Variants in CFAP251 observed in about 807,000 individuals in gnomAD.
CFAP251 encodes cilia and flagella associated protein 251.
A neutral mutation model predicts 126.7 loss-of-function variants in CFAP251; 93 were observed. That is an observed-to-expected ratio of 0.73 (90% CI 0.62 to 0.87). CFAP251 has a LOEUF of 0.87. Ranked by LOEUF, CFAP251 falls within the 40% of genes least tolerant of loss-of-function variation. The pLI, the probability that CFAP251 is intolerant of heterozygous loss-of-function variation, is 0.00. For synonymous variants in CFAP251, 503 were observed against 506.9 expected (o/e 0.99, Z 0.10); for missense variants, 1,287 against 1,389.2 (o/e 0.93, Z 1.17).
Position 121,992,412 on chromosome 12 carries a change from G to A in CFAP251, c.3007-7304G>A, listed in dbSNP as rs924506305. 3.0e-6 allele frequency: 3 copies of A among 985,386 alleles called. No homozygotes were observed. In the East Asian group the frequency reaches 3.4e-4, roughly 112 times the overall value. The allele number at this position is 985,386 out of a possible 1,614,324, so 61.0% of individuals were successfully genotyped here. A position where few individuals can be genotyped will look rare whatever the true frequency, so the allele number is the denominator to read the frequency against. Reference sequence around the variant, plus strand: ...GAGTAAGAGGTGAATCACATGCTGAGTGGTTTGTGCTGTGAATGTTTGCTG... The same window carrying A: ...GAGTAAGAGGTGAATCACATGCTGAATGGTTTGTGCTGTGAATGTTTGCTG... On this transcript the variant is annotated intron_variant, in intron 19 of 21. Coordinates refer to ENST00000288912, the MANE Select transcript of CFAP251 (RefSeq NM_144668.6).
At chr12:121,988,788 T>G (rs1447148846) in intron 19 of CFAP251, among the ~76,000 whole-genome samples, 2 of 149,610 alleles carry the variant, frequency 1.3e-5, no homozygotes, top group East Asian at 2.0e-4. Context: ...CTGGCTGGAG[T>G]GCAATGGCGC....
intron 9 of CFAP251, chr12:121,953,118 C>A (rs1881591345): frequency 6.6e-6 from 1 of 152,186 alleles, no homozygotes; most frequent in African/African-American, 2.4e-5. Flanking sequence ...TTGAACAAAA[C>A]TCATCTAACC....
chr12:121,958,153 T>G, intron 11 of CFAP251, 119 bp from the exon 12 acceptor site: 1 of 1,436,266 alleles, frequency 7.0e-7, no homozygotes, highest in Non-Finnish European at 9.4e-7. Flanking sequence ...AATGTTGGGT[T>G]AATAATGTCA....
At position 121,943,078 on chromosome 12, in the gene CFAP251, C is replaced by T; in HGVS notation, c.1191+103C>T. ...CCTGTAATCCCAGAACTTTGGGAGG[C>T]TGAGGTAGGTTATCACTTGAGGTCA... On this transcript the variant is annotated intron_variant, in intron 7 of 21. Coordinates refer to ENST00000288912, the MANE Select transcript of CFAP251 (RefSeq NM_144668.6). The T allele has an allele frequency of 2.5e-6, 3 of 1,223,350 alleles. No individual in the cohort carries two copies. The East Asian group carries it at 7.2e-5, about 29-fold the overall frequency. The allele number at this position is 1,223,350 out of a possible 1,614,324, so 75.8% of individuals were successfully genotyped here. A position where few individuals can be genotyped will look rare whatever the true frequency, so the allele number is the denominator to read the frequency against.
intron 19 of CFAP251, among the ~76,000 whole-genome samples, chr12:121,993,851 G>T (rs1326944315): frequency 1.6e-5 from 2 of 125,366 alleles, no homozygotes; most frequent in African/African-American, 6.1e-5. Context: ...AGGTGGGGGG[G>T]GTCAGCCCCC....
chr12:121,991,096 C>T lies in CFAP251; in HGVS notation c.3007-8620C>T, dbSNP rs1882865790. ...TAGGGCACTAAATGATTATTCTAAGCTTCTTGTGAGTTTCAAGAGAATTCT... is the reference window on the plus strand; with the variant it reads ...TAGGGCACTAAATGATTATTCTAAGTTTCTTGTGAGTTTCAAGAGAATTCT... On this transcript the variant is annotated intron_variant, in intron 19 of 21. Coordinates refer to ENST00000288912, the MANE Select transcript of CFAP251 (RefSeq NM_144668.6). 3.3e-5 allele frequency among the ~76,000 whole-genome samples: 5 copies of T among 152,220 alleles called. No individual in the cohort carries two copies. In the South Asian group the frequency reaches 1.0e-3, roughly 32 times the overall value.
rs188480273 is a variant in CFAP251 at position 121,989,919 on chromosome 12, C to A, written c.3007-9797C>A. Among the ~76,000 whole-genome samples, 22 of 152,242 alleles carry A rather than the reference C, an allele frequency of 1.4e-4. 1 individual carries two copies. In the East Asian group the frequency reaches 3.5e-3, roughly 24 times the overall value. ...GACATCAATGGCTTCCTGAGGCTGACAGCAGGGATCACAGACCCAAAGGCC... is the reference window on the plus strand; with the variant it reads ...GACATCAATGGCTTCCTGAGGCTGAAAGCAGGGATCACAGACCCAAAGGCC... On this transcript the variant is annotated intron_variant, in intron 19 of 21. Transcript: ENST00000288912. This position sits in a 1 kb window ranked among gnomAD's most constrained non-coding sequence, Gnocchi z 4.2.
At chr12:121,969,157 A>AC (rs1385419647) in intron 17 of CFAP251, 9 of 985,120 alleles carry the variant, frequency 9.1e-6, no homozygotes, top group Non-Finnish European at 1.1e-5. Context: ...AGCACAGTGT[A>AC]CCCCCTGCCA....
intron 3 of CFAP251, among the ~76,000 whole-genome samples, chr12:121,927,892 A>G (rs1299964615): frequency 6.6e-6 from 1 of 152,230 alleles, no homozygotes; most frequent in African/African-American, 2.4e-5. Flanking sequence ...TGGTTTTGAC[A>G]GCAAAGTTTT....
At chr12:121,993,734 C>A (rs1882940167) in intron 19 of CFAP251, among the ~76,000 whole-genome samples, 1 of 150,318 alleles carries the variant, frequency 6.7e-6, no homozygotes, top group Non-Finnish European at 1.5e-5. Context: ...TGCCTGGCAA[C>A]CACCCCGTCT....
intron 3 of CFAP251, among the ~76,000 whole-genome samples, chr12:121,924,618 G>C (rs1041153129): frequency 6.6e-5 from 10 of 151,004 alleles, no homozygotes; most frequent in Non-Finnish European, 1.5e-4. Flanking sequence ...TTTTAGTAGA[G>C]ATGGGATTTC....
chr12:121,963,983 T>A (rs569660576), intron 15 of CFAP251, among the ~76,000 whole-genome samples: 1 of 151,962 alleles, frequency 6.6e-6, no homozygotes, highest in East Asian at 1.9e-4. Context: ...GAAGGGAGAA[T>A]GTTTCAGTGA....
intron 5 of CFAP251, among the ~76,000 whole-genome samples, chr12:121,938,382 C>T (rs1158625678): frequency 2.6e-5 from 4 of 151,882 alleles, no homozygotes; most frequent in African/African-American, 9.7e-5. Flanking sequence ...AGTGCAGTGG[C>T]ACAATCTCAG....
At chr12:121,957,751 A>G (rs2135781559) in intron 11 of CFAP251, among the ~76,000 whole-genome samples, 1 of 151,416 alleles carries the variant, frequency 6.6e-6, no homozygotes, top group African/African-American at 2.4e-5. Flanking sequence ...TAATATTAAG[A>G]CTCTTTAGTA....
chr12:121,946,066 G>A (rs1274383580), intron 7 of CFAP251, among the ~76,000 whole-genome samples: 1 of 152,128 alleles, frequency 6.6e-6, no homozygotes, highest in African/African-American at 2.4e-5. Flanking sequence ...ATGACATGTG[G>A]CCTCCAAGGT....
At chr12:121,954,708 GTA>G (rs1196791277) in intron 10 of CFAP251, among the ~76,000 whole-genome samples, 1 of 118,558 alleles carries the variant, frequency 8.4e-6, no homozygotes, top group African/African-American at 3.2e-5. Flanking sequence ...ATAGCATAAA[GTA>G]TTCTGGGGAG....
chr12:121,948,871 G>T, intron 7 of CFAP251, 113 bp from the exon 8 acceptor site: 1 of 613,500 alleles, frequency 1.6e-6, no homozygotes, highest in Non-Finnish European at 2.7e-6. Context: ...TATCTTTTCT[G>T]TTTTATATTC....
intron 5 of CFAP251, among the ~76,000 whole-genome samples, chr12:121,941,389 GGTGGC>G: frequency 7.2e-6 from 1 of 139,546 alleles, no homozygotes; most frequent in Middle Eastern, 4.1e-3. Context: ...GCTGGAGTGC[GGTGGC>G]GTGATCTTGG....
intron 17 of CFAP251, chr12:121,968,888 C>T: frequency 1.0e-6 from 1 of 985,338 alleles, no homozygotes; most frequent in Non-Finnish European, 1.2e-6. Context: ...CCTGTAAGGG[C>T]ATTTGCTTAT....
Sources: allele counts gnomAD v4.1 joint callset (sites outside exome capture counted in the v4.1 genomes callset), GRCh38; gene constraint gnomAD v4.1.1; non-coding constraint Gnocchi (gnomAD v3.1); transcripts MANE v1.5; gene names NCBI Gene and HGNC (gene_info 2026-07-23, HGNC 2026-07-21).